Variants in AGMO observed in about 807,000 individuals in gnomAD.
The protein encoded by AGMO is alkylglycerol monooxygenase.
In AGMO, 75 loss-of-function variants were observed where a neutral mutation model predicts 60.2. The ratio of observed to expected loss-of-function variants is 1.25; its 90% CI spans 1.03 to 1.51. The LOEUF (loss-of-function observed/expected upper bound fraction) is 1.51. Ranked by LOEUF, AGMO falls within the 40% of genes most tolerant of loss-of-function variation. The pLI is 0.00. For missense variants in AGMO, 763 were observed against 525.5 expected, an observed-to-expected ratio of 1.45 and a Z score of -4.42; for synonymous variants, 261 against 177.1, an observed-to-expected ratio of 1.47 and a Z score of -3.76.
chr7:15,319,754 C>T (rs1357655354), intron 12 of AGMO, among the ~76,000 whole-genome samples: 1 of 152,026 alleles, frequency 6.6e-6, no homozygotes, highest in Non-Finnish European at 1.5e-5. Context: ...ATGGAATAGA[C>T]TCACTTCCAA....
chr7:15,404,899 C>T (rs1176633645), intron 5 of AGMO, among the ~76,000 whole-genome samples: 1 of 151,784 alleles, frequency 6.6e-6, no homozygotes, highest in East Asian at 1.9e-4. Context: ...CTTCCATTCT[C>T]GAATGTTAGA....
chr7:15,133,793 G>A, the AGMO span, among the ~76,000 whole-genome samples: 10 of 152,134 alleles, frequency 6.6e-5, no homozygotes, highest in Admixed American at 2.6e-4. Flanking sequence ...AGGTGAGAAC[G>A]TCCAGCAGTG....
intron 3 of AGMO, among the ~76,000 whole-genome samples, chr7:15,497,360 C>A (rs1479247860): frequency 1.3e-5 from 2 of 152,092 alleles, no homozygotes; most frequent in African/African-American, 4.8e-5. Flanking sequence ...CTCATTACTT[C>A]TTTCTTCCTA....
In AGMO at chr7:15,459,599, T is replaced by G. The variant is rs4632957; in HGVS notation, c.410-28491A>C. 4.0e-3 allele frequency among the ~76,000 whole-genome samples: 563 copies of G among 142,102 alleles called. 10 individuals carry two copies. Among genetic ancestry groups the G allele is most frequent in the South Asian group, 0.01 (45 of 4,386 alleles). The allele number at this position is 142,102 out of a possible 152,430, so 93.2% of individuals were successfully genotyped here. ...GATCTTTAAATGTGTGTATGTGCGT[T>G]TGTGTGTGTGTGTGTGTGTGTGTGT... is the stretch of plus-strand genomic sequence containing the variant. On this transcript the variant is annotated intron_variant, in intron 3 of 12. Transcript: ENST00000342526.
At chr7:15,366,653 CTG>C (rs1007108460) in intron 10 of AGMO, among the ~76,000 whole-genome samples, 23 of 151,992 alleles carry the variant, frequency 1.5e-4, no homozygotes, top group Admixed American at 3.3e-4. Flanking sequence ...TTAAAGGAGA[CTG>C]TGTTTATGAG....
chr7:15,450,106 G>C (rs1238126793), intron 3 of AGMO, among the ~76,000 whole-genome samples: 3 of 152,070 alleles, frequency 2.0e-5, no homozygotes, highest in African/African-American at 7.2e-5. Context: ...GTAATTGATT[G>C]CATCAACTAA....
At chr7:15,178,288 C>T in the AGMO span, among the ~76,000 whole-genome samples, 3 of 152,186 alleles carry the variant, frequency 2.0e-5, no homozygotes, top group African/African-American at 7.2e-5. Flanking sequence ...CTACTGACTT[C>T]ATTGATAGAT....
At chr7:15,547,954 C>T (rs1052293027) in intron 2 of AGMO, among the ~76,000 whole-genome samples, 35 of 151,766 alleles carry the variant, frequency 2.3e-4, no homozygotes, top group Non-Finnish European at 3.0e-4. Context: ...TCTCCCAGCA[C>T]GCAGCTGGAG....
intron 12 of AGMO, among the ~76,000 whole-genome samples, chr7:15,220,731 G>A (rs1485553881): frequency 6.6e-6 from 1 of 151,896 alleles, no homozygotes; most frequent in Non-Finnish European, 1.5e-5. Context: ...AGAACCGATT[G>A]TAAAACCAAG....
chr7:15,248,214 A>ATATATATATATG (rs1402723880), intron 12 of AGMO, among the ~76,000 whole-genome samples: 917 of 71,108 alleles, frequency 0.013, 91 homozygotes, highest in Non-Finnish European at 0.02. Flanking sequence ...ATATATATAT[A>ATATATATATATG]TATATATATA....
chr7:15,172,867 C>T, the AGMO span, among the ~76,000 whole-genome samples: 1 of 152,132 alleles, frequency 6.6e-6, no homozygotes, highest in Non-Finnish European at 1.5e-5. Flanking sequence ...CATTTTCATT[C>T]ATACACAAAC....
At position 15,354,341 on chromosome 7, in the gene AGMO, C is replaced by CACACGCGTGTATATAG. The variant is rs1782380425; in HGVS notation, c.1263+11172_1263+11173insCTATATACACGCGTGT. 1.5e-4 allele frequency among the ~76,000 whole-genome samples: 5 copies of CACACGCGTGTATATAG among 34,062 alleles called. 1 individual carries two copies. The highest frequency in any genetic ancestry group is 6.9e-4 in the African/African-American group (5 of 7,222). 22.3% of individuals were successfully genotyped at this position (34,062 alleles called of 152,430 possible). On this transcript the variant is annotated intron_variant, in intron 12 of 12. Transcript: ENST00000342526. ...GTGTATATACGTACGCGTGTATATA[C>CACACGCGTGTATATAG]ACGCGTGTATATAGACGTGTGTATA...
chr7:15,308,622 A>C (rs913616628), intron 12 of AGMO, among the ~76,000 whole-genome samples: 10 of 152,178 alleles, frequency 6.6e-5, no homozygotes, highest in African/African-American at 2.4e-4. Context: ...TTTTCACCAG[A>C]GCAATGTTTC....
chr7:15,483,259 TA>T (rs1166839102), intron 3 of AGMO, among the ~76,000 whole-genome samples: 2 of 152,214 alleles, frequency 1.3e-5, no homozygotes, highest in African/African-American at 4.8e-5. Flanking sequence ...TTAGAAGTGA[TA>T]TTTTTAAATG....
chr7:15,371,965 T>G (rs1390983558), intron 10 of AGMO, among the ~76,000 whole-genome samples: 1 of 152,074 alleles, frequency 6.6e-6, no homozygotes, highest in African/African-American at 2.4e-5. Flanking sequence ...ACCTTAATAT[T>G]TATCCCTTTA....
At chr7:15,551,092 G>A (rs983273966) in intron 2 of AGMO, among the ~76,000 whole-genome samples, 23 of 151,920 alleles carry the variant, frequency 1.5e-4, no homozygotes, top group Admixed American at 1.2e-3. Context: ...ATAGATGCAG[G>A]AAAAGCCTTT....
chr7:15,238,910 C>T (rs1382529578), intron 12 of AGMO, among the ~76,000 whole-genome samples: 3 of 152,088 alleles, frequency 2.0e-5, no homozygotes, highest in African/African-American at 4.8e-5. Flanking sequence ...ATACACCAGG[C>T]GCAGGCGCTA....
chr7:15,246,235 T>C (rs1715057329), intron 12 of AGMO, among the ~76,000 whole-genome samples: 1 of 151,980 alleles, frequency 6.6e-6, no homozygotes, highest in South Asian at 2.1e-4. Flanking sequence ...GTGGTTAAAA[T>C]AAATAAGCGT....
chr7:15,230,482 A>G (rs979066534), intron 12 of AGMO, among the ~76,000 whole-genome samples: 1 of 152,134 alleles, frequency 6.6e-6, no homozygotes, highest in Non-Finnish European at 1.5e-5. Context: ...CCTACAGGGG[A>G]AGCTCCCCTC....
Sources: allele counts gnomAD v4.1 joint callset (sites outside exome capture counted in the v4.1 genomes callset), GRCh38; gene constraint gnomAD v4.1.1; transcripts MANE v1.5; gene names NCBI Gene and HGNC (gene_info 2026-07-23, HGNC 2026-07-21).